The following GPC6 variants were observed in gnomAD, a reference collection of about 807,000 sequenced individuals.
GPC6 encodes the protein glypican 6, also known as glypican-6.
A neutral mutation model predicts 55.2 loss-of-function variants in GPC6; 14 were observed. The ratio of observed to expected loss-of-function variants is 0.25; its 90% confidence interval spans 0.17 to 0.40. GPC6 has a LOEUF of 0.40. Ranked by LOEUF, GPC6 falls within the 10% of genes least tolerant of loss-of-function variation. The probability of loss-of-function intolerance (pLI) is 1.00; values close to 1 mark genes in which losing one functional copy is unlikely to be tolerated. For synonymous variants in GPC6, 278 were observed against 259.6 expected (o/e 1.07, Z -0.68); for missense variants, 641 against 708.5 (o/e 0.90, Z 1.08).
intron 1 of GPC6, among the ~76,000 whole-genome samples, chr13:93,380,676 G>C (rs145389960): frequency 2.6e-4 from 40 of 152,202 alleles, no homozygotes; most frequent in Non-Finnish European, 4.9e-4. Flanking sequence ...AAGGGAACTG[G>C]GGTGCCACTG....
intron 1 of GPC6, among the ~76,000 whole-genome samples, chr13:93,387,516 T>G (rs1875455131): frequency 6.6e-6 from 1 of 152,244 alleles, no homozygotes; most frequent in East Asian, 1.9e-4. Context: ...CATTCTTTTT[T>G]ATGGCTGCAG....
At chr13:94,340,521 G>C (rs1196663730) in intron 6 of GPC6, among the ~76,000 whole-genome samples, 3 of 152,070 alleles carry the variant, frequency 2.0e-5, no homozygotes, top group Non-Finnish European at 4.4e-5. Context: ...TTCTTTAAAG[G>C]CTATAAAATT....
chr13:94,361,022 T>C (rs141448491), intron 6 of GPC6, among the ~76,000 whole-genome samples: 3 of 152,330 alleles, frequency 2.0e-5, no homozygotes, highest in Non-Finnish European at 2.9e-5. Context: ...GAGGATTTGA[T>C]GACATCTCAC....
intron 2 of GPC6, among the ~76,000 whole-genome samples, chr13:93,549,249 A>T (rs1297511059): frequency 2.0e-5 from 3 of 152,180 alleles, no homozygotes; most frequent in African/African-American, 7.2e-5. Flanking sequence ...AACAATAAAC[A>T]AAAGCATATT....
chr13:94,103,971 T>C (rs1172599387), intron 4 of GPC6, among the ~76,000 whole-genome samples: 1 of 152,212 alleles, frequency 6.6e-6, no homozygotes, highest in Non-Finnish European at 1.5e-5. Context: ...GCCTATGTCC[T>C]GAATGGTATT....
At position 94,325,888 on chromosome 13, in the gene GPC6, C is replaced by A. The variant is rs116446166; in HGVS notation, c.1152+19765C>A. ...GACGACAATGAGACCAGAGCCTGAT[C>A]CTTAGAAGCTCTGACCATGACCTCC... On this transcript the variant is annotated intron_variant, in intron 6 of 8. Coordinates refer to ENST00000377047, the MANE Select transcript of GPC6 (RefSeq NM_005708.5). 8.5e-3 allele frequency among the ~76,000 whole-genome samples: 1,292 copies of A among 152,262 alleles called. 17 individuals are homozygous for A. The highest frequency in any genetic ancestry group is 0.029 in the African/African-American group (1,187 of 41,536).
At chr13:93,303,070 T>A (rs1878735968) in intron 1 of GPC6, among the ~76,000 whole-genome samples, 1 of 152,216 alleles carries the variant, frequency 6.6e-6, no homozygotes, top group South Asian at 2.1e-4. Flanking sequence ...AGAAGGCAAC[T>A]GTATAACCAT....
intron 3 of GPC6, among the ~76,000 whole-genome samples, chr13:93,835,447 CCTGT>C: frequency 6.6e-6 from 1 of 151,790 alleles, no homozygotes; most frequent in Non-Finnish European, 1.5e-5. Context: ...AGAGCCAGAC[CCTGT>C]CTCAAAAAAA....
chr13:93,321,967 C>T (rs886846812), intron 1 of GPC6, among the ~76,000 whole-genome samples: 2 of 152,100 alleles, frequency 1.3e-5, no homozygotes, highest in African/African-American at 4.8e-5. Context: ...CCCTTCTTCC[C>T]CCTCCTCCAC....
intron 2 of GPC6, among the ~76,000 whole-genome samples, chr13:93,563,655 A>G (rs1875930041): frequency 6.6e-6 from 1 of 152,030 alleles, no homozygotes; most frequent in African/African-American, 2.4e-5. Flanking sequence ...AAGAGTAGCA[A>G]GTATAGCATT....
intron 2 of GPC6, among the ~76,000 whole-genome samples, chr13:93,695,701 A>G (rs911910807): frequency 6.6e-6 from 1 of 152,120 alleles, no homozygotes; most frequent in Non-Finnish European, 1.5e-5. Context: ...GATATTTAAA[A>G]TATGCTTTCA....
intron 4 of GPC6, among the ~76,000 whole-genome samples, chr13:94,074,055 T>C (rs927938809): frequency 2.0e-5 from 3 of 152,178 alleles, no homozygotes; most frequent in African/African-American, 7.2e-5. Flanking sequence ...CAGTGTGTAT[T>C]AGAGAACCAT....
At chr13:94,025,035 G>A (rs1436209718) in intron 3 of GPC6, among the ~76,000 whole-genome samples, 4 of 152,196 alleles carry the variant, frequency 2.6e-5, no homozygotes, top group African/African-American at 9.7e-5. Context: ...AAATGAATGA[G>A]ACAGTCCTTG....
intron 1 of GPC6, among the ~76,000 whole-genome samples, chr13:93,504,344 T>G (rs113993639): frequency 6.6e-6 from 1 of 152,114 alleles, no homozygotes; most frequent in East Asian, 1.9e-4. Context: ...CAGGACATAC[T>G]TACACCAACA....
chr13:93,233,660 A>T (rs893337760), intron 1 of GPC6, among the ~76,000 whole-genome samples: 1 of 152,166 alleles, frequency 6.6e-6, no homozygotes, highest in Admixed American at 6.5e-5. Context: ...TCAGAGGCAG[A>T]ATAATGGGTT....
intron 6 of GPC6, among the ~76,000 whole-genome samples, chr13:94,349,923 C>T (rs563444477): frequency 1.3e-5 from 2 of 152,134 alleles, no homozygotes; most frequent in East Asian, 1.9e-4. Flanking sequence ...CAAAATTTCC[C>T]GAAATCCAAG....
intron 1 of GPC6, among the ~76,000 whole-genome samples, chr13:93,376,842 T>G (rs1594128780): frequency 6.6e-6 from 1 of 151,946 alleles, no homozygotes; most frequent in African/African-American, 2.4e-5. Context: ...CTGTGACCAG[T>G]TTAGGCATTT....
Position 94,339,377 on chromosome 13 carries a change from T to G in GPC6, c.1152+33254T>G, listed in dbSNP as rs117530964. Among the ~76,000 whole-genome samples the G allele has an allele frequency of 2.6e-3, 395 of 152,226 alleles. 11 individuals carry two copies. In the East Asian group the frequency reaches 0.058, roughly 23 times the overall value. On this transcript the variant is annotated intron_variant, in intron 6 of 8. Transcript: ENST00000377047. ...TCGCACCCGGCCTATTTTAGGAGTT[T>G]TCTTTCCTAATCACTCCCTTCCTAA...
At chr13:93,833,424 C>T (rs1038845847) in intron 3 of GPC6, among the ~76,000 whole-genome samples, 2 of 152,088 alleles carry the variant, frequency 1.3e-5, no homozygotes, top group Non-Finnish European at 2.9e-5. Flanking sequence ...GGTTTAAGCC[C>T]TTCATAAACC....
Sources: gnomAD v4.1 joint callset for allele counts (sites outside exome capture counted in the v4.1 genomes callset) on GRCh38, gnomAD v4.1.1 for gene constraint, MANE v1.5 for transcripts, NCBI Gene and HGNC (gene_info 2026-07-23, HGNC 2026-07-21) for gene names.